EPHA6: variants seen among roughly 807,000 people sequenced by gnomAD.
The protein encoded by EPHA6 is ephrin type-A receptor 6.
In EPHA6, 50 loss-of-function variants were observed where a neutral mutation model predicts 112.0. The observed-to-expected ratio is 0.45, with a 90% CI of 0.36 to 0.56. The LOEUF (loss-of-function observed/expected upper bound fraction) is 0.56. Ranked by LOEUF, EPHA6 falls within the 20% of genes least tolerant of loss-of-function variation. EPHA6 has a pLI of 0.00. For missense variants in EPHA6, 1,280 were observed against 1,417.4 expected, an observed-to-expected ratio of 0.90 and a Z score of 1.56; for synonymous variants, 529 against 490.7, an observed-to-expected ratio of 1.08 and a Z score of -1.03.
intron 5 of EPHA6, among the ~76,000 whole-genome samples, chr3:97,322,871 C>CTA (rs1278957523): frequency 6.6e-6 from 1 of 151,896 alleles, no homozygotes; most frequent in Non-Finnish European, 1.5e-5. Flanking sequence ...GAGAGCTGAC[C>CTA]TATATAGTGA....
rs76050753 is a variant in EPHA6, at chr3:97,746,813, A to G, written c.3129-610A>G. On this transcript the variant is annotated intron_variant, in intron 16 of 17. Transcript: ENST00000389672. ...CTTTGGGGACATTACCCTAGCTTGT[A>G]TGTGTGTAAATCTTATTCATGCAAC... is the stretch of plus-strand genomic sequence containing the variant. Among the ~76,000 whole-genome samples, 220 of 152,026 alleles carry G rather than the reference A, an allele frequency of 1.4e-3. 1 individual carries two copies. Among genetic ancestry groups the G allele is most frequent in the East Asian group, 0.014 (72 of 5,194 alleles).
At chr3:97,709,634 C>A (rs945829074) in intron 14 of EPHA6, among the ~76,000 whole-genome samples, 8 of 152,108 alleles carry the variant, frequency 5.3e-5, no homozygotes, top group African/African-American at 9.7e-5. Context: ...TGGGAGGGGC[C>A]AGGGTGGATT....
rs183111044 is a variant in EPHA6 at position 97,702,778 on chromosome 3, C to T, written c.2785-17483C>T. Reference sequence around the variant, plus strand: ...CACTTTTATTTATTTATTTTTTTTACAGGTTAGATTGTAAACTCCATCATT... The same window carrying T: ...CACTTTTATTTATTTATTTTTTTTATAGGTTAGATTGTAAACTCCATCATT... On this transcript the variant is annotated intron_variant, in intron 14 of 17. Coordinates refer to ENST00000389672, the MANE Select transcript of EPHA6 (RefSeq NM_001080448.3). Among the ~76,000 whole-genome samples the T allele has an allele frequency of 2.2e-3, 327 of 152,026 alleles. 2 individuals are homozygous for T. The highest frequency in any genetic ancestry group is 7.6e-3 in the African/African-American group (316 of 41,490).
intron 3 of EPHA6, among the ~76,000 whole-genome samples, chr3:97,103,986 A>G (rs2047486306): frequency 6.6e-6 from 1 of 152,046 alleles, no homozygotes; most frequent in African/African-American, 2.4e-5. Context: ...TCACTTTAAT[A>G]CATTGATTTT....
chr3:97,600,203 C>A (rs1421818409), intron 12 of EPHA6, among the ~76,000 whole-genome samples: 250 of 149,780 alleles, frequency 1.7e-3, no homozygotes, highest in African/African-American at 5.8e-3. Flanking sequence ...ACAATCATGT[C>A]GTCTGCAAAC....
At chr3:97,001,392 C>A (rs752453976) in intron 3 of EPHA6, among the ~76,000 whole-genome samples, 52 of 151,770 alleles carry the variant, frequency 3.4e-4, no homozygotes, top group Admixed American at 3.2e-3. Context: ...GGAGGACATT[C>A]GTAATATTTT....
chr3:97,335,805 A>T (rs936649314), intron 5 of EPHA6, among the ~76,000 whole-genome samples: 1 of 152,136 alleles, frequency 6.6e-6, no homozygotes, highest in Admixed American at 6.6e-5. Context: ...TCCTCACATC[A>T]GTCTCCCCAA....
chr3:97,159,865 G>A (rs2076372741), intron 3 of EPHA6, among the ~76,000 whole-genome samples: 1 of 152,170 alleles, frequency 6.6e-6, no homozygotes, highest in Non-Finnish European at 1.5e-5. Context: ...TGTAAGGAAT[G>A]CAAATATGTA....
At chr3:97,669,423 G>T (rs2030544743) in intron 14 of EPHA6, among the ~76,000 whole-genome samples, 1 of 151,408 alleles carries the variant, frequency 6.6e-6, no homozygotes, top group African/African-American at 2.4e-5. Flanking sequence ...TTTTCTCCAA[G>T]AGTAGTCTCT....
chr3:97,454,670 G>T (rs542777213), intron 7 of EPHA6, among the ~76,000 whole-genome samples: 2 of 151,770 alleles, frequency 1.3e-5, no homozygotes, highest in African/African-American at 4.8e-5. Flanking sequence ...GTAAAATGAC[G>T]ATTTTGTTGT....
intron 5 of EPHA6, among the ~76,000 whole-genome samples, chr3:97,368,621 T>C (rs577990275): frequency 6.6e-6 from 1 of 152,308 alleles, no homozygotes; most frequent in Non-Finnish European, 1.5e-5. Flanking sequence ...TCAATGATGA[T>C]ATATCTTCAG....
At chr3:97,137,300 G>A (rs962874845) in intron 3 of EPHA6, among the ~76,000 whole-genome samples, 1 of 152,026 alleles carries the variant, frequency 6.6e-6, no homozygotes, top group African/African-American at 2.4e-5. Flanking sequence ...GCCAATTCTT[G>A]TACTCCTCCT....
chr3:97,319,161 A>G (rs371000213), intron 5 of EPHA6, among the ~76,000 whole-genome samples: 52 of 151,276 alleles, frequency 3.4e-4, no homozygotes, highest in African/African-American at 1.3e-3. Context: ...GCTTCAGTTT[A>G]AAACCATTTA....
At chr3:97,216,172 G>T (rs888149459) in intron 3 of EPHA6, among the ~76,000 whole-genome samples, 1 of 152,148 alleles carries the variant, frequency 6.6e-6, no homozygotes, top group Non-Finnish European at 1.5e-5. Flanking sequence ...ATCTGCTTCT[G>T]GTGAGGGGCT....
At chr3:97,130,113 A>T (rs1251206341) in intron 3 of EPHA6, among the ~76,000 whole-genome samples, 1 of 152,182 alleles carries the variant, frequency 6.6e-6, no homozygotes, top group Non-Finnish European at 1.5e-5. Flanking sequence ...TTTTGTTGAT[A>T]AAATTATTTC....
chr3:97,045,546 T>C (rs1231320119), intron 3 of EPHA6, among the ~76,000 whole-genome samples: 5 of 151,980 alleles, frequency 3.3e-5, no homozygotes, highest in Admixed American at 3.3e-4. Context: ...AAAGGTTGAT[T>C]GTTCCTTTTC....
chr3:97,465,925 T>A (rs1297322918), intron 7 of EPHA6, among the ~76,000 whole-genome samples: 1 of 152,040 alleles, frequency 6.6e-6, no homozygotes, highest in Non-Finnish European at 1.5e-5. Flanking sequence ...CATTCTAACA[T>A]GCTGTCTTGC....
At chr3:97,482,718 G>A (rs942567093) in intron 9 of EPHA6, among the ~76,000 whole-genome samples, 1 of 152,036 alleles carries the variant, frequency 6.6e-6, no homozygotes. Context: ...TATATGTTTT[G>A]CAAGGAGAGT....
At chr3:97,516,522 A>G (rs993435652) in intron 10 of EPHA6, among the ~76,000 whole-genome samples, 1 of 152,226 alleles carries the variant, frequency 6.6e-6, no homozygotes, top group Admixed American at 6.5e-5. Flanking sequence ...CTGGCATTTC[A>G]TCCTTGAATG....
Sources: gnomAD v4.1 joint callset for allele counts (sites outside exome capture counted in the v4.1 genomes callset) on GRCh38, gnomAD v4.1.1 for gene constraint, MANE v1.5 for transcripts, NCBI Gene and HGNC (gene_info 2026-07-23, HGNC 2026-07-21) for gene names.